CDC14B: variants seen among roughly 807,000 people sequenced by gnomAD.
CDC14B encodes dual specificity protein phosphatase CDC14B.
A neutral mutation model predicts 64.2 loss-of-function variants in CDC14B; 22 were observed. That is an observed-to-expected ratio of 0.34 (90% CI 0.24 to 0.49). CDC14B has a LOEUF of 0.49. Ranked by LOEUF, CDC14B falls within the 20% of genes least tolerant of loss-of-function variation. The pLI, the probability that CDC14B is intolerant of heterozygous loss-of-function variation, is 0.99. For missense variants in CDC14B, 498 were observed against 629.9 expected, an observed-to-expected ratio of 0.79 and a Z score of 2.24; for synonymous variants, 191 against 215.8, an observed-to-expected ratio of 0.89 and a Z score of 1.01.
At chr9:96,539,547 TAAGA>T (rs1170318362) in intron 6 of CDC14B, among the ~76,000 whole-genome samples, 1 of 152,204 alleles carries the variant, frequency 6.6e-6, no homozygotes, top group African/African-American at 2.4e-5. Context: ...TCTACATCGA[TAAGA>T]AAGAGGAGAG....
chr9:96,583,021 C>T lies in CDC14B; in HGVS notation c.161-17538G>A, dbSNP rs191446312. Among the ~76,000 whole-genome samples the T allele has an allele frequency of 4.6e-4, 70 of 152,270 alleles. 1 individual carries two copies. Among genetic ancestry groups the T allele is most frequent in the African/African-American group, 1.7e-3 (69 of 41,552 alleles). ...TAATCAGAAACTTACACTCCAGAGA[C>T]GGATGGCCATTATTAAAGCAGGGAG... On this transcript the variant is annotated intron_variant, in intron 1 of 13. Coordinates refer to ENST00000375241, the MANE Select transcript of CDC14B (RefSeq NM_033331.4).
downstream of CDC14B, among the ~76,000 whole-genome samples, chr9:96,498,362 G>C (rs1833338921): frequency 2.6e-5 from 4 of 152,252 alleles, no homozygotes; most frequent in South Asian, 8.3e-4. Context: ...GGCCACAGAA[G>C]TGGCGGAGCT....
intron 5 of CDC14B, among the ~76,000 whole-genome samples, chr9:96,542,188 A>T (rs551287807): frequency 6.6e-6 from 1 of 151,492 alleles, no homozygotes; most frequent in African/African-American, 2.5e-5. Flanking sequence ...ACCTTCTTGA[A>T]TTCAACAAAT....
chr9:96,499,770 C>G (rs551932232), downstream of CDC14B, among the ~76,000 whole-genome samples: 4 of 152,302 alleles, frequency 2.6e-5, no homozygotes, highest in East Asian at 7.7e-4. Context: ...GGGGTAAGCC[C>G]CAATCCAATC....
At chr9:96,491,398 T>C (rs895824387) in exon 14 of CDC14B, 4 of 152,214 alleles carry the variant, frequency 2.6e-5, no homozygotes, top group Non-Finnish European at 4.4e-5. Context: ...CATGATTTTG[T>C]TGAATAATCA....
chr9:96,565,099 A>T (rs1314865516), intron 2 of CDC14B, among the ~76,000 whole-genome samples: 6 of 152,196 alleles, frequency 3.9e-5, no homozygotes, highest in South Asian at 2.1e-4. Context: ...CTTCTAAATT[A>T]AAAAAGCTGT....
chr9:96,588,729 G>A (rs980320827), intron 1 of CDC14B, among the ~76,000 whole-genome samples: 13 of 152,060 alleles, frequency 8.5e-5, no homozygotes, highest in Admixed American at 7.2e-4. Context: ...TCAAGTGATC[G>A]TCCCAAAATG....
chr9:96,503,665 C>A lies in CDC14B; in HGVS notation c.*88G>T, dbSNP rs73542429. ...GTGGAAAAAGCAACTAAGGCTTTTG[C>A]AATTTTGTTTTGTTTTCAAATTGTG... On this transcript the variant is annotated 3_prime_UTR_variant, in exon 14 of 14. Transcript: ENST00000375241. 638 of 1,215,826 alleles carry A rather than the reference C, an allele frequency of 5.2e-4. 1 individual carries two copies. In the African/African-American group the frequency reaches 8.6e-3, roughly 16 times the overall value. 75.3% of individuals were successfully genotyped at this position (1,215,826 alleles called of 1,614,324 possible).
At chr9:96,548,322 G>C (rs1325655780) in intron 5 of CDC14B, among the ~76,000 whole-genome samples, 1 of 152,004 alleles carries the variant, frequency 6.6e-6, no homozygotes, top group Non-Finnish European at 1.5e-5. Context: ...AAGAAGCAAA[G>C]AGTATTATAA....
chr9:96,492,733 A>C (rs1833119790), exon 14 of CDC14B: 1 of 152,300 alleles, frequency 6.6e-6, no homozygotes, highest in South Asian at 2.1e-4. Context: ...AACAAGAGCA[A>C]GACTCTGTCT....
At chr9:96,509,454 C>A (rs1034139753) in intron 13 of CDC14B, among the ~76,000 whole-genome samples, 1 of 152,218 alleles carries the variant, frequency 6.6e-6, no homozygotes, top group African/African-American at 2.4e-5. Flanking sequence ...ACCATACTTC[C>A]AGTGTTGAGA....
chr9:96,521,167 T>C (rs1836654441), intron 12 of CDC14B, among the ~76,000 whole-genome samples: 3 of 152,146 alleles, frequency 2.0e-5, no homozygotes, highest in African/African-American at 7.2e-5. Context: ...CCTCCCGGGT[T>C]CAAGCGATCC....
intron 5 of CDC14B, among the ~76,000 whole-genome samples, chr9:96,547,369 G>A (rs186062710): frequency 5.5e-4 from 83 of 151,920 alleles, no homozygotes; most frequent in Admixed American, 5.4e-3. Flanking sequence ...AGGAGGCTGA[G>A]GCAGGAGAAT....
Position 96,509,824 on chromosome 9 carries a change from A to G in CDC14B, c.1344-35T>C, listed in dbSNP as rs946014799. ...GTTGGAAAAAAATAAGATTATATTCACTGAAACCATTTGCAAATACTTGAC... is the reference window on the plus strand; with the variant it reads ...GTTGGAAAAAAATAAGATTATATTCGCTGAAACCATTTGCAAATACTTGAC... On this transcript the variant is annotated intron_variant, in intron 12 of 13. Transcript: ENST00000375241. The G allele has an allele frequency of 2.3e-6, 3 of 1,321,866 alleles. No homozygotes were observed. In the African/African-American group the frequency reaches 4.4e-5, roughly 19 times the overall value. 81.9% of individuals were successfully genotyped at this position (1,321,866 alleles called of 1,614,324 possible).
intron 3 of CDC14B, among the ~76,000 whole-genome samples, chr9:96,564,502 CTTAA>C (rs1417354389): frequency 1.3e-5 from 2 of 152,206 alleles, no homozygotes; most frequent in Non-Finnish European, 2.9e-5. Flanking sequence ...ACGAGGTTCA[CTTAA>C]TTAACTGATT....
chr9:96,569,692 T>C (rs369811391), intron 1 of CDC14B, among the ~76,000 whole-genome samples: 1 of 152,042 alleles, frequency 6.6e-6, no homozygotes, highest in Non-Finnish European at 1.5e-5. Context: ...TGGTGCAGTC[T>C]TGGCTCACTG....
intron 1 of CDC14B, among the ~76,000 whole-genome samples, chr9:96,574,130 G>C (rs1186298798): frequency 3.3e-5 from 5 of 151,232 alleles, no homozygotes; most frequent in Admixed American, 3.3e-4. Flanking sequence ...TTGGGTGACA[G>C]AGTGAGACTC....
intron 5 of CDC14B, among the ~76,000 whole-genome samples, chr9:96,546,390 G>A (rs1479592248): frequency 4.0e-5 from 6 of 151,638 alleles, no homozygotes; most frequent in Non-Finnish European, 8.8e-5. Flanking sequence ...AGCTGGGGGT[G>A]ATGACTGACT....
chr9:96,561,046 C>A (rs111955342), intron 4 of CDC14B, among the ~76,000 whole-genome samples: 4,297 of 152,114 alleles, frequency 0.028, 183 homozygotes, highest in African/African-American at 0.098. Context: ...AAGGGATTCT[C>A]CTGCCTCAGC....
Sources: allele counts gnomAD v4.1 joint callset (sites outside exome capture counted in the v4.1 genomes callset), GRCh38; gene constraint gnomAD v4.1.1; transcripts MANE v1.5; gene names NCBI Gene and HGNC (gene_info 2026-07-23, HGNC 2026-07-21).